The following VPS13C variants were observed in gnomAD, a reference collection of about 807,000 sequenced individuals.
The protein encoded by VPS13C is vacuolar protein sorting 13 homolog C.
VPS13C carries 358 observed loss-of-function variants against 456.8 expected under a neutral mutation model. The observed-to-expected ratio is 0.78, with a 90% CI of 0.72 to 0.86. The LOEUF (loss-of-function observed/expected upper bound fraction) is 0.86. VPS13C is among the 40% of genes least tolerant of loss of function. The pLI, the probability that VPS13C is intolerant of heterozygous loss-of-function variation, is 0.00. For missense variants in VPS13C, 4,818 were observed against 4,385.4 expected, an observed-to-expected ratio of 1.10 and a Z score of -2.79; for synonymous variants, 1,578 against 1,486.7, an observed-to-expected ratio of 1.06 and a Z score of -1.41.
At chr15:61,943,007 T>C (rs950491242) in intron 45 of VPS13C, among the ~76,000 whole-genome samples, 1 of 151,858 alleles carries the variant, frequency 6.6e-6, no homozygotes, top group Non-Finnish European at 1.5e-5. Flanking sequence ...AAGAACACAA[T>C]CCTGTTTACG....
chr15:62,023,522 T>G lies in VPS13C; in HGVS notation c.515-2A>C. The G allele has an allele frequency of 6.4e-7, 1 of 1,552,930 alleles. No homozygotes were observed. The highest frequency in any genetic ancestry group is 8.7e-7 in the Non-Finnish European group (1 of 1,154,512). On this transcript the variant is annotated splice_acceptor_variant, in intron 7 of 84. Coordinates refer to ENST00000644861, the MANE Select transcript of VPS13C (RefSeq NM_020821.3). LOFTEE classifies it high-confidence loss of function. ...CCTTTTTGGCTTCTTTTGGCTTATCTATTAAAAAATAGAAAAATACAAGCT... is the reference window on the plus strand; with the variant it reads ...CCTTTTTGGCTTCTTTTGGCTTATCGATTAAAAAATAGAAAAATACAAGCT...
At position 62,000,607 on chromosome 15, in the gene VPS13C, T is replaced by C. The variant is rs1189741512; in HGVS notation, c.1310A>G (p.Asp437Gly). ...CCTTGCTAAAATTATGTTAAAAACA[T>C]CTAGAGTCTTCTCCAAGTCCTGTAA... Reference protein sequence around the residue: ...KEIQDLEKTLDVFNIILARQQ... With the variant: ...KEIQDLEKTLGVFNIILARQQ... The change falls in exon 16 of 85, where the codon GAT becomes GGT. Residue 437 changes from aspartate (D) to glycine (G), a missense_variant. Physicochemically the swap from Asp to Gly is moderately conservative, Grantham distance 94. Transcript: ENST00000644861. 6.2e-7 allele frequency: 1 copy of C among 1,606,774 alleles called. No individual in the cohort carries two copies. The highest frequency in any genetic ancestry group is 8.5e-7 in the Non-Finnish European group (1 of 1,177,786).
intron 20 of VPS13C, among the ~76,000 whole-genome samples, 169 bp from the exon 21 acceptor site, chr15:61,982,742 GA>G (rs1265241208): frequency 6.6e-6 from 1 of 152,196 alleles, no homozygotes; most frequent in East Asian, 1.9e-4. Context: ...CTGGAGAAAG[GA>G]AGAGCCTAAG....
chr15:61,977,874 T>C (rs1157892599), intron 23 of VPS13C, among the ~76,000 whole-genome samples: 1 of 152,022 alleles, frequency 6.6e-6, no homozygotes, highest in Non-Finnish European at 1.5e-5. Context: ...GCTCTTAATA[T>C]ATGAAAAGTA....
chr15:62,029,683 G>A (rs1027007426), intron 5 of VPS13C, among the ~76,000 whole-genome samples: 3 of 151,850 alleles, frequency 2.0e-5, no homozygotes, highest in African/African-American at 7.3e-5. Context: ...TTTGACAGGA[G>A]GGTCCAAGGA....
At chr15:61,954,624 A>G (rs555584025) in intron 37 of VPS13C, 70 bp from the exon 38 acceptor site, 3 of 1,456,674 alleles carry the variant, frequency 2.1e-6, no homozygotes, top group Admixed American at 4.9e-5. Context: ...TTGTGGACTT[A>G]TATGAGTATT....
At chr15:61,936,110 T>C (rs1476034529) in intron 48 of VPS13C, among the ~76,000 whole-genome samples, 3 of 152,164 alleles carry the variant, frequency 2.0e-5, no homozygotes, top group African/African-American at 7.2e-5. Context: ...ATTCAAAAGG[T>C]TCACTGCTTT....
In VPS13C at chr15:61,865,802, G is replaced by A. The variant is rs201829464; in HGVS notation, c.10864-2274C>T. 6.4e-4 allele frequency: 336 copies of A among 527,220 alleles called. 1 individual carries two copies. In the South Asian group the frequency reaches 8.6e-3, roughly 13 times the overall value. The allele number at this position is 527,220 out of a possible 1,614,324, so 32.7% of individuals were successfully genotyped here. On this transcript the variant is annotated intron_variant, in intron 81 of 84. Coordinates refer to ENST00000644861, the MANE Select transcript of VPS13C (RefSeq NM_020821.3). ...TGTATGTGTATATATATGTGTGTGT[G>A]TATATATATATGAAGATTAGAGGAT...
intron 1 of VPS13C, among the ~76,000 whole-genome samples, chr15:62,058,592 T>C (rs562056476): frequency 1.3e-5 from 2 of 152,298 alleles, no homozygotes; most frequent in African/African-American, 2.4e-5. Flanking sequence ...CAGAAGGATA[T>C]GCATAGGGTA....
chr15:61,944,994 G>A (rs2044555914), intron 45 of VPS13C, among the ~76,000 whole-genome samples: 1 of 152,126 alleles, frequency 6.6e-6, no homozygotes, highest in Non-Finnish European at 1.5e-5. Context: ...GGAACTGGTA[G>A]GAGGTGACTG....
At chr15:61,915,507 T>G (rs2043442877) in intron 61 of VPS13C, 126 bp downstream of exon 61, 1 of 1,043,840 alleles carries the variant, frequency 9.6e-7, no homozygotes, top group African/African-American at 1.6e-5. Flanking sequence ...TAAGTCTCCT[T>G]GAACCTAATT....
chr15:61,937,108 T>TA (rs773970279), intron 47 of VPS13C, among the ~76,000 whole-genome samples: 331 of 152,334 alleles, frequency 2.2e-3, no homozygotes, highest in Non-Finnish European at 3.9e-3. Context: ...TTCTTCTATA[T>TA]TATTTACTCT....
At chr15:61,896,410 G>A (rs1216204503) in intron 66 of VPS13C, among the ~76,000 whole-genome samples, 7 of 152,198 alleles carry the variant, frequency 4.6e-5, no homozygotes, top group Non-Finnish European at 7.3e-5. Context: ...TGCGCGAGCC[G>A]AAGCAGGGTG....
intron 42 of VPS13C, among the ~76,000 whole-genome samples, chr15:61,947,980 T>G (rs931780953): frequency 6.6e-6 from 1 of 152,148 alleles, no homozygotes; most frequent in Admixed American, 6.5e-5. Flanking sequence ...ACTGATAAAT[T>G]TAGGATCCAT....
At chr15:61,996,994 CATACATAT>C (rs2046407290) in intron 16 of VPS13C, among the ~76,000 whole-genome samples, 1 of 142,354 alleles carries the variant, frequency 7.0e-6, no homozygotes, top group African/African-American at 2.8e-5. Context: ...ATTTTACATA[CATACATAT>C]ATATATATAT....
At chr15:61,928,915 G>C (rs1050373932) in intron 51 of VPS13C, among the ~76,000 whole-genome samples, 1 of 151,084 alleles carries the variant, frequency 6.6e-6, no homozygotes, top group African/African-American at 2.4e-5. Flanking sequence ...GGAGAGAAGA[G>C]GAGAGGAGAG....
rs201190962 is a variant in VPS13C at position 61,923,544 on chromosome 15, CTCTT to C, written c.6610-786_6610-783del. The stretch of plus-strand genomic sequence containing the variant: ...TATCCCACAAGATAAAATTGAAACT[CTCTT>C]TAACTTAATGTGCAGAGCTCTTTGT... On this transcript the variant is annotated intron_variant, in intron 53 of 84. Transcript: ENST00000644861. Among the ~76,000 whole-genome samples, 1,442 of 152,224 alleles carry C rather than the reference CTCTT, an allele frequency of 9.5e-3. 27 individuals are homozygous for C. The highest frequency in any genetic ancestry group is 0.033 in the African/African-American group (1,387 of 41,508).
intron 15 of VPS13C, 103 bp downstream of exon 15, chr15:62,007,205 T>G: frequency 1.0e-6 from 1 of 967,304 alleles, no homozygotes. Flanking sequence ...AAGAGGTGAA[T>G]TCTGTTCTTC....
chr15:61,898,755 AATAG>A (rs2140104138), intron 66 of VPS13C, among the ~76,000 whole-genome samples: 1 of 109,652 alleles, frequency 9.1e-6, no homozygotes, highest in East Asian at 2.8e-4. Context: ...AAGCGGACCT[AATAG>A]ACATCTACAG....
Sources: allele counts gnomAD v4.1 joint callset (sites outside exome capture counted in the v4.1 genomes callset), GRCh38; gene constraint gnomAD v4.1.1; transcripts MANE v1.5; gene names NCBI Gene and HGNC (gene_info 2026-07-23, HGNC 2026-07-21).